The following ARHGAP28 variants were observed in gnomAD, a reference collection of about 807,000 sequenced individuals.
The protein encoded by ARHGAP28 is rho GTPase-activating protein 28.
ARHGAP28 carries 56 observed loss-of-function variants against 90.7 expected under a neutral mutation model. That is an observed-to-expected ratio of 0.62 (90% CI 0.50 to 0.77). The LOEUF (loss-of-function observed/expected upper bound fraction) is 0.77, where lower values mean the gene tolerates loss of function less well. Ranked by LOEUF, ARHGAP28 falls within the 30% of genes least tolerant of loss-of-function variation. The probability of loss-of-function intolerance (pLI) is 0.00; values close to 1 mark genes in which losing one functional copy is unlikely to be tolerated. For missense variants in ARHGAP28, 869 were observed against 900.9 expected, an observed-to-expected ratio of 0.96 and a Z score of 0.45; for synonymous variants, 308 against 323.3, an observed-to-expected ratio of 0.95 and a Z score of 0.51.
At chr18:6,767,162 A>G (rs967359097) in intron 1 of ARHGAP28, among the ~76,000 whole-genome samples, 1 of 152,166 alleles carries the variant, frequency 6.6e-6, no homozygotes, top group African/African-American at 2.4e-5. Flanking sequence ...AGAGTTTACA[A>G]CATGACACTT....
intron 1 of ARHGAP28, among the ~76,000 whole-genome samples, chr18:6,777,958 AT>A (rs2056297988): frequency 6.6e-6 from 1 of 152,136 alleles, no homozygotes; most frequent in Non-Finnish European, 1.5e-5. Context: ...GGGGACTCTG[AT>A]TGGACATAGG....
chr18:6,825,917 A>T (rs1213414197), intron 2 of ARHGAP28, among the ~76,000 whole-genome samples: 1 of 152,190 alleles, frequency 6.6e-6, no homozygotes, highest in Non-Finnish European at 1.5e-5. Context: ...CGATGAACAT[A>T]CAAGTGCATG....
intron 15 of ARHGAP28, among the ~76,000 whole-genome samples, chr18:6,895,116 A>G (rs2057295255): frequency 6.6e-6 from 1 of 152,132 alleles, no homozygotes; most frequent in South Asian, 2.1e-4. Context: ...TTATAGGAGG[A>G]ATAAGATTAT....
Position 6,904,142 on chromosome 18 carries a change from C to T in ARHGAP28, c.2031-4818C>T, listed in dbSNP as rs1040393412. On this transcript the variant is annotated intron_variant, in intron 16 of 17. Coordinates refer to ENST00000383472, the MANE Select transcript of ARHGAP28 (RefSeq NM_001366230.1). Reference sequence around the variant, plus strand: ...GACACAGTGGCTCACGCCTGTAATCCTAGCACTTTGGGAGACCGAGGCAGG... The same window carrying T: ...GACACAGTGGCTCACGCCTGTAATCTTAGCACTTTGGGAGACCGAGGCAGG... Among the ~76,000 whole-genome samples the T allele has an allele frequency of 6.6e-5, 10 of 152,194 alleles. No individual in the cohort carries two copies. The South Asian group carries it at 2.1e-3, about 32-fold the overall frequency.
At chr18:6,757,349 A>G (rs1445024184) in intron 1 of ARHGAP28, among the ~76,000 whole-genome samples, 1 of 152,194 alleles carries the variant, frequency 6.6e-6, no homozygotes, top group Non-Finnish European at 1.5e-5. Flanking sequence ...AGGGAAACAA[A>G]TGAAATAAAG....
chr18:6,907,817 G>A (rs2057372276), intron 16 of ARHGAP28, among the ~76,000 whole-genome samples: 1 of 151,984 alleles, frequency 6.6e-6, no homozygotes, highest in African/African-American at 2.4e-5. Context: ...ATCGGTGTAG[G>A]GTGCACAGGA....
At chr18:6,850,950 ACT>A (rs1360492930) in intron 3 of ARHGAP28, 82 bp from the exon 4 acceptor site, 10 of 1,572,662 alleles carry the variant, frequency 6.4e-6, no homozygotes, top group Non-Finnish European at 1.7e-6. Context: ...ATATATAAAA[ACT>A]CTAGTGTAAT....
rs771982744 is a variant in ARHGAP28, at chr18:6,824,887, G to A, written c.248G>A (p.Arg83Gln). ...VDSASMEDFW[R>Q]EIESIKDSSM... is the part of the protein sequence containing the mutation. Reference sequence around the variant, plus strand: ...AGCGCCTCCATGGAGGATTTCTGGCGGGAAATAGAAAGTATTAAAGACAGC... The same window carrying A: ...AGCGCCTCCATGGAGGATTTCTGGCAGGAAATAGAAAGTATTAAAGACAGC... Residue 83 changes from arginine to glutamine, a missense_variant, in exon 2 of 18, where the codon CGG becomes CAG. Coordinates refer to ENST00000383472, the MANE Select transcript of ARHGAP28 (RefSeq NM_001366230.1). The A allele has an allele frequency of 2.4e-4, 366 of 1,535,982 alleles. No homozygotes were observed. The highest frequency in any genetic ancestry group is 3.0e-4 in the Non-Finnish European group (348 of 1,146,918).
chr18:6,806,574 C>T (rs2056520806), intron 1 of ARHGAP28, among the ~76,000 whole-genome samples: 1 of 151,796 alleles, frequency 6.6e-6, no homozygotes, highest in African/African-American at 2.4e-5. Context: ...ACTTCTGTAT[C>T]TCCTTCTCCC....
intron 12 of ARHGAP28, among the ~76,000 whole-genome samples, 168 bp downstream of exon 12, chr18:6,887,407 A>T (rs1197983996): frequency 6.6e-6 from 1 of 150,610 alleles, no homozygotes; most frequent in East Asian, 2.0e-4. Flanking sequence ...GAAGACAAGA[A>T]AGAGTGGAGA....
chr18:6,886,288 C>A (rs1199629889), intron 11 of ARHGAP28, among the ~76,000 whole-genome samples: 1 of 152,164 alleles, frequency 6.6e-6, no homozygotes. Context: ...GAACTCCCCA[C>A]CAAGACACCA....
intron 1 of ARHGAP28, among the ~76,000 whole-genome samples, chr18:6,817,373 A>G (rs2056598832): frequency 6.6e-6 from 1 of 152,110 alleles, no homozygotes; most frequent in South Asian, 2.1e-4. Context: ...GAATTGTTAG[A>G]TGCCACCCAC....
At chr18:6,759,529 A>G (rs1287742409) in intron 1 of ARHGAP28, among the ~76,000 whole-genome samples, 1 of 152,210 alleles carries the variant, frequency 6.6e-6, no homozygotes, top group East Asian at 1.9e-4. Context: ...TAAAATGTAT[A>G]TTTAGAGCTT....
intron 16 of ARHGAP28, among the ~76,000 whole-genome samples, chr18:6,904,310 C>G (rs1392549426): frequency 6.6e-6 from 1 of 152,190 alleles, no homozygotes; most frequent in Non-Finnish European, 1.5e-5. Context: ...AGGAGAATCG[C>G]TTGAACCTGG....
chr18:6,856,123 A>G (rs1292923590), intron 4 of ARHGAP28, among the ~76,000 whole-genome samples: 1 of 152,262 alleles, frequency 6.6e-6, no homozygotes, highest in Non-Finnish European at 1.5e-5. Context: ...GCTTCCGGCT[A>G]GAAAAGCGAC....
Position 6,837,201 on chromosome 18 carries a change from A to G in ARHGAP28, c.330A>G (p.Gly110=), listed in dbSNP as rs1402727061. 1 of 1,547,150 alleles carries G rather than the reference A, an allele frequency of 6.5e-7. No homozygotes were observed. The highest frequency in any genetic ancestry group is 2.4e-5 in the East Asian group (1 of 40,970). Reference sequence around the variant, plus strand: ...CTTGGTAATGTTCTTTCACAGAAGGAGAACTTGAAGCAGAATGGCTGCAAG... The same window carrying G: ...CTTGGTAATGTTCTTTCACAGAAGGGGAACTTGAAGCAGAATGGCTGCAAG... The part of the protein sequence containing the change: ...PPAEVTPVDE[G]ELEAEWLQDV... Residue 110 remains glycine (G), a synonymous_variant, in exon 3 of 18, where the codon GGA becomes GGG. Coordinates refer to ENST00000383472, the MANE Select transcript of ARHGAP28 (RefSeq NM_001366230.1).
chr18:6,779,742 A>G (rs965448877), intron 1 of ARHGAP28, among the ~76,000 whole-genome samples: 2 of 152,242 alleles, frequency 1.3e-5, no homozygotes, highest in Non-Finnish European at 2.9e-5. Context: ...AAGCTGTGTT[A>G]GGTAATGGTA....
intron 16 of ARHGAP28, among the ~76,000 whole-genome samples, chr18:6,903,720 A>T (rs371503706): frequency 6.7e-6 from 1 of 150,252 alleles, no homozygotes; most frequent in East Asian, 2.0e-4. Flanking sequence ...AATCCCAGCT[A>T]CTCGGAGGCT....
At chr18:6,813,630 A>ATT (rs2056571685) in intron 1 of ARHGAP28, among the ~76,000 whole-genome samples, 1 of 152,160 alleles carries the variant, frequency 6.6e-6, no homozygotes, top group Non-Finnish European at 1.5e-5. Flanking sequence ...AAAAAGGATA[A>ATT]TCTCTACTAT....
Sources: gnomAD v4.1 joint callset for allele counts (sites outside exome capture counted in the v4.1 genomes callset) on GRCh38, gnomAD v4.1.1 for gene constraint, MANE v1.5 for transcripts, NCBI Gene and HGNC (gene_info 2026-07-23, HGNC 2026-07-21) for gene names.